ADA2: variants seen among roughly 807,000 people sequenced by gnomAD.
The protein encoded by ADA2 is adenosine deaminase CECR1.
ADA2 carries 29 observed loss-of-function variants against 44.2 expected under a neutral mutation model. That is an observed-to-expected ratio of 0.66 (90% CI 0.49 to 0.89). ADA2 has a LOEUF of 0.89. Ranked by LOEUF, ADA2 falls within the 40% of genes least tolerant of loss-of-function variation. ADA2 has a pLI of 0.00. For missense variants in ADA2, 637 were observed against 644.8 expected, an observed-to-expected ratio of 0.99 and a Z score of 0.13; for synonymous variants, 215 against 234.9, an observed-to-expected ratio of 0.92 and a Z score of 0.77.
intron 7 of ADA2, among the ~76,000 whole-genome samples, chr22:17,187,214 C>T (rs1215073009): frequency 6.6e-6 from 1 of 151,662 alleles, no homozygotes; most frequent in Non-Finnish European, 1.5e-5. Context: ...AGAATGGAAT[C>T]TTACTATGTT....
chr22:17,216,047 C>T (rs1196001386), intron 1 of ADA2, among the ~76,000 whole-genome samples: 5 of 151,576 alleles, frequency 3.3e-5, no homozygotes, highest in South Asian at 2.1e-4. Flanking sequence ...ATTAGTCAGG[C>T]GTGGTGGCGT....
chr22:17,204,993 A>C (rs548245545), intron 3 of ADA2, among the ~76,000 whole-genome samples: 38 of 150,528 alleles, frequency 2.5e-4, no homozygotes, highest in Admixed American at 2.3e-3. Flanking sequence ...TGGGGATCTC[A>C]CTATGTTGCC....
At chr22:17,206,781 C>T (rs1025150582) in intron 3 of ADA2, among the ~76,000 whole-genome samples, 2 of 152,110 alleles carry the variant, frequency 1.3e-5, no homozygotes, top group Non-Finnish European at 2.9e-5. Context: ...GCCTCAGCCT[C>T]CCAAGTACCT....
chr22:17,203,122 T>C (rs1166887796), intron 4 of ADA2, among the ~76,000 whole-genome samples: 1 of 152,194 alleles, frequency 6.6e-6, no homozygotes, highest in Non-Finnish European at 1.5e-5. Context: ...CTTCTCAGCA[T>C]GTTACTGAAA....
chr22:17,186,958 C>T (rs1436058641), intron 7 of ADA2, among the ~76,000 whole-genome samples: 1 of 151,694 alleles, frequency 6.6e-6, no homozygotes, highest in Non-Finnish European at 1.5e-5. Context: ...CAAGGTCAGG[C>T]GATCGAGACC....
rs185600735 is a variant in ADA2 at position 17,214,560 on chromosome 22, T to G, written c.-47+4796A>C. ...ATAAGGAGCTAATGCCAGGGTGGCCTGTAGTATGCAGAGCTCCGCAGGACC... is the reference window on the plus strand; with the variant it reads ...ATAAGGAGCTAATGCCAGGGTGGCCGGTAGTATGCAGAGCTCCGCAGGACC... On this transcript the variant is annotated intron_variant, in intron 1 of 9. Coordinates refer to ENST00000399837, the MANE Select transcript of ADA2 (RefSeq NM_001282225.2). Among the ~76,000 whole-genome samples, 27 of 152,320 alleles carry G rather than the reference T, an allele frequency of 1.8e-4. No homozygotes were observed. In the East Asian group the frequency reaches 4.1e-3, roughly 23 times the overall value.
intron 9 of ADA2, 97 bp downstream of exon 9, chr22:17,181,723 G>A (rs2061970843): frequency 8.5e-7 from 1 of 1,173,016 alleles, no homozygotes; most frequent in Non-Finnish European, 1.3e-6. Context: ...GGAACCCACA[G>A]GAACCATCGA....
chr22:17,199,442 C>CCCCACCCTCCCCACCTCTATCCTCTTA, intron 4 of ADA2: 1 of 1,022,722 alleles, frequency 9.8e-7, no homozygotes, highest in Non-Finnish European at 1.5e-6. Flanking sequence ...CTATCCTCTT[C>CCCCACCCTCCCCACCTCTATCCTCTTA]CCCTCCACCC....
intron 6 of ADA2, chr22:17,189,647 C>T (rs2062090010): frequency 2.8e-6 from 1 of 356,376 alleles, no homozygotes; most frequent in Admixed American, 4.2e-5. Flanking sequence ...GAGCCCATAA[C>T]TGTGGTCCAA....
intron 4 of ADA2, among the ~76,000 whole-genome samples, chr22:17,201,880 G>A (rs1334748557): frequency 6.6e-6 from 1 of 151,252 alleles, no homozygotes; most frequent in Admixed American, 6.6e-5. Context: ...TTTTGATGAT[G>A]CTCCCTTCTT....
upstream of ADA2, among the ~76,000 whole-genome samples, chr22:17,220,392 C>A (rs73153412): frequency 6.3e-4 from 96 of 152,124 alleles, no homozygotes; most frequent in Non-Finnish European, 9.0e-4. Context: ...AGCAGTGGGG[C>A]CTCGACCAAG....
intron 2 of ADA2, among the ~76,000 whole-genome samples, chr22:17,208,844 T>TTTTTTTA (rs1201544099): frequency 6.9e-6 from 1 of 144,802 alleles, no homozygotes; most frequent in African/African-American, 2.5e-5. Flanking sequence ...TAACATTTTT[T>TTTTTTTA]GGGGAACAGG....
At chr22:17,200,530 T>C (rs2062266468) in intron 4 of ADA2, among the ~76,000 whole-genome samples, 2 of 152,112 alleles carry the variant, frequency 1.3e-5, no homozygotes, top group Admixed American at 1.3e-4. Flanking sequence ...AGTGGAGACA[T>C]GCAGATCACA....
intron 1 of ADA2, among the ~76,000 whole-genome samples, chr22:17,213,172 T>C (rs1278058971): frequency 6.6e-6 from 1 of 152,024 alleles, no homozygotes; most frequent in Admixed American, 6.6e-5. Context: ...TGGCTATTAC[T>C]TAAAAGGCAA....
In ADA2 at chr22:17,209,481, A is replaced by C; in HGVS notation, c.197T>G (p.Leu66Arg). The C allele has an allele frequency of 6.2e-7, 1 of 1,614,050 alleles. No individual in the cohort carries two copies. The highest frequency in any genetic ancestry group is 1.1e-5 in the South Asian group (1 of 91,066). Residue 66 changes from leucine to arginine, a missense_variant, in exon 2 of 10, where the codon CTC becomes CGC. By Grantham distance (102) the Leu-to-Arg change is moderately radical. Transcript: ENST00000399837. The stretch of plus-strand genomic sequence containing the variant: ...GGCCTCCTTCATCTCAGCGATTTTG[A>C]GCGTCATGAGCCTCTCATTGGCCAG... Reference protein sequence around the residue: ...EELANERLMTLKIAEMKEAMR... With the variant: ...EELANERLMTRKIAEMKEAMR...
At chr22:17,182,095 C>CTT in intron 8 of ADA2, 73 bp from the exon 9 acceptor site, 1 of 1,225,360 alleles carries the variant, frequency 8.2e-7, no homozygotes, top group South Asian at 1.4e-5. Context: ...GAGGTGAGAC[C>CTT]TTGAGCCCCA....
rs568279844 is a variant in ADA2, at chr22:17,212,772, T to G, written c.-46-3049A>C. Among the ~76,000 whole-genome samples the G allele has an allele frequency of 4.6e-5, 7 of 150,792 alleles. No individual in the cohort carries two copies. The South Asian group carries it at 1.3e-3, about 27-fold the overall frequency. On this transcript the variant is annotated intron_variant, in intron 1 of 9. Transcript: ENST00000399837. The stretch of plus-strand genomic sequence containing the variant: ...CCAAATTTTTTTCTTTGCTTTGCTT[T>G]CTTTCTTTCTTTTTTTTTTTTCCTT...
At chr22:17,183,746 G>A (rs1399996665) in intron 7 of ADA2, among the ~76,000 whole-genome samples, 2 of 152,040 alleles carry the variant, frequency 1.3e-5, no homozygotes, top group African/African-American at 4.8e-5. Context: ...ATAGGCATGA[G>A]CCACCGCACC....
At chr22:17,194,524 G>C (rs756527503) in intron 4 of ADA2, among the ~76,000 whole-genome samples, 4 of 152,114 alleles carry the variant, frequency 2.6e-5, no homozygotes, top group Admixed American at 1.3e-4. Context: ...CAGGCGCAGT[G>C]GGGGAGCAGG....
Sources: allele counts gnomAD v4.1 joint callset (sites outside exome capture counted in the v4.1 genomes callset), GRCh38; gene constraint gnomAD v4.1.1; transcripts MANE v1.5; gene names NCBI Gene and HGNC (gene_info 2026-07-23, HGNC 2026-07-21).